Variants in PLCB1 observed in about 807,000 individuals in gnomAD.
PLCB1 encodes phospholipase C beta 1.
Under a neutral mutation model 161.8 loss-of-function variants are expected in PLCB1, and 46 were observed. The observed-to-expected ratio is 0.28, with a 90% CI of 0.22 to 0.36. PLCB1 has a LOEUF of 0.36. Among genes scored for constraint, PLCB1 ranks in the 10% least tolerant of loss-of-function variants. The pLI is 1.00. For missense variants in PLCB1, 1,016 were observed against 1,472.5 expected (o/e 0.69, Z 5.07); for synonymous variants, 517 against 503.7 (o/e 1.03, Z -0.35).
intron 11 of PLCB1, among the ~76,000 whole-genome samples, chr20:8,705,105 A>T (rs1440351489): frequency 6.6e-6 from 1 of 151,506 alleles, no homozygotes; most frequent in Non-Finnish European, 1.5e-5. Flanking sequence ...GAAACCCCTC[A>T]CAGAGACACC....
intron 3 of PLCB1, among the ~76,000 whole-genome samples, chr20:8,536,394 T>A (rs1424872358): frequency 6.6e-6 from 1 of 152,196 alleles, no homozygotes; most frequent in Non-Finnish European, 1.5e-5. Flanking sequence ...CTCGTACTTC[T>A]CCATCATTCA....
intron 3 of PLCB1, among the ~76,000 whole-genome samples, chr20:8,499,493 T>G (rs1208435457): frequency 6.6e-6 from 1 of 152,202 alleles, no homozygotes; most frequent in African/African-American, 2.4e-5. Context: ...TATCAGTTGT[T>G]CAATGAAGAG....
intron 2 of PLCB1, among the ~76,000 whole-genome samples, chr20:8,230,236 G>A (rs537788674): frequency 1.3e-5 from 2 of 152,090 alleles, no homozygotes; most frequent in South Asian, 2.1e-4. Flanking sequence ...AATCTGATCA[G>A]ACTATCCTAC....
At chr20:8,589,756 C>A (rs1987094872) in intron 3 of PLCB1, among the ~76,000 whole-genome samples, 1 of 151,734 alleles carries the variant, frequency 6.6e-6, no homozygotes, top group Admixed American at 6.6e-5. Flanking sequence ...ACTGGGGCTA[C>A]AGATGTGTGC....
chr20:8,350,246 C>T (rs1986140299), intron 2 of PLCB1, among the ~76,000 whole-genome samples: 1 of 152,140 alleles, frequency 6.6e-6, no homozygotes, highest in Admixed American at 6.5e-5. Flanking sequence ...TCGCCTGACC[C>T]CCACCCTGGA....
At chr20:8,710,799 G>A (rs1456721527) in intron 12 of PLCB1, among the ~76,000 whole-genome samples, 1 of 151,912 alleles carries the variant, frequency 6.6e-6, no homozygotes, top group Non-Finnish European at 1.5e-5. Flanking sequence ...GCATACTTAT[G>A]TTCTTAAAGA....
intron 3 of PLCB1, among the ~76,000 whole-genome samples, chr20:8,511,362 C>A (rs1182301618): frequency 2.6e-5 from 4 of 151,950 alleles, no homozygotes; most frequent in African/African-American, 9.7e-5. Context: ...TTTCTTTATC[C>A]ATTCATTAAC....
At chr20:8,185,259 T>C (rs1461246740) in intron 2 of PLCB1, among the ~76,000 whole-genome samples, 1 of 152,196 alleles carries the variant, frequency 6.6e-6, no homozygotes, top group Non-Finnish European at 1.5e-5. Context: ...ATTTATCTTT[T>C]TATATATATC....
intron 2 of PLCB1, among the ~76,000 whole-genome samples, chr20:8,336,610 A>G (rs1427664130): frequency 6.6e-6 from 1 of 152,202 alleles, no homozygotes; most frequent in African/African-American, 2.4e-5. Flanking sequence ...ACAAGATACC[A>G]GGTGATCGTA....
At chr20:8,544,782 G>A (rs1337912539) in intron 3 of PLCB1, among the ~76,000 whole-genome samples, 3 of 152,068 alleles carry the variant, frequency 2.0e-5, no homozygotes. Flanking sequence ...CCCCCAAATG[G>A]GACCAGCACC....
intron 3 of PLCB1, among the ~76,000 whole-genome samples, chr20:8,440,069 T>C (rs763156543): frequency 6.6e-6 from 1 of 152,220 alleles, no homozygotes; most frequent in African/African-American, 2.4e-5. Flanking sequence ...GATTCCTGAA[T>C]AATATAGTTA....
intron 4 of PLCB1, among the ~76,000 whole-genome samples, chr20:8,640,846 G>C (rs1265432576): frequency 6.6e-6 from 1 of 152,124 alleles, no homozygotes; most frequent in Non-Finnish European, 1.5e-5. Context: ...TGCCATGGAC[G>C]TTGCTCTTTG....
chr20:8,799,472 T>A lies in PLCB1; in HGVS notation c.3423+9211T>A, dbSNP rs183747739. 1.9e-3 allele frequency among the ~76,000 whole-genome samples: 296 copies of A among 152,342 alleles called. 2 individuals carry two copies. The highest frequency in any genetic ancestry group is 3.9e-3 in the Admixed American group (60 of 15,302). On this transcript the variant is annotated intron_variant, in intron 31 of 31. Coordinates refer to ENST00000338037, the MANE Select transcript of PLCB1 (RefSeq NM_015192.4). ...GTCATTGGGCATGATTTCTGTGAATTTTGCTAATACTCATTAGATTTTTTT... is the reference window on the plus strand; with the variant it reads ...GTCATTGGGCATGATTTCTGTGAATATTGCTAATACTCATTAGATTTTTTT...
chr20:8,302,861 T>C (rs1334499629), intron 2 of PLCB1, among the ~76,000 whole-genome samples: 1 of 152,186 alleles, frequency 6.6e-6, no homozygotes, highest in Non-Finnish European at 1.5e-5. Flanking sequence ...AAATATTATA[T>C]TATACCACAA....
chr20:8,484,609 G>T (rs149338275), intron 3 of PLCB1, among the ~76,000 whole-genome samples: 6 of 151,740 alleles, frequency 4.0e-5, no homozygotes, highest in Non-Finnish European at 7.4e-5. Context: ...TGATCCTCCC[G>T]AAGTGCTGGG....
intron 3 of PLCB1, among the ~76,000 whole-genome samples, chr20:8,480,925 G>A (rs188657643): frequency 9.2e-4 from 140 of 152,272 alleles, no homozygotes; most frequent in African/African-American, 3.2e-3. Flanking sequence ...CCAATATGGC[G>A]AAACCTGGTC....
chr20:8,221,479 T>C (rs1979404706), intron 2 of PLCB1, among the ~76,000 whole-genome samples: 1 of 152,156 alleles, frequency 6.6e-6, no homozygotes, highest in Non-Finnish European at 1.5e-5. Context: ...ACCTTACAAT[T>C]TCTTTACAGA....
intron 3 of PLCB1, among the ~76,000 whole-genome samples, chr20:8,405,152 G>T (rs1011701404): frequency 6.6e-6 from 1 of 152,192 alleles, no homozygotes; most frequent in African/African-American, 2.4e-5. Context: ...TCAGCTGAGT[G>T]GTTCTGGGTT....
intron 26 of PLCB1, among the ~76,000 whole-genome samples, chr20:8,769,450 T>C (rs1982555064): frequency 1.3e-5 from 2 of 152,260 alleles, no homozygotes; most frequent in Admixed American, 1.3e-4. Context: ...TTTAAATTAT[T>C]GCTCCACTTA....
Sources: allele counts gnomAD v4.1 joint callset (sites outside exome capture counted in the v4.1 genomes callset), GRCh38; gene constraint gnomAD v4.1.1; transcripts MANE v1.5; gene names NCBI Gene and HGNC (gene_info 2026-07-23, HGNC 2026-07-21).